The following USP37 variants were observed in gnomAD, a reference collection of about 807,000 sequenced individuals.
The protein encoded by USP37 is ubiquitin carboxyl-terminal hydrolase 37.
USP37 carries 27 observed loss-of-function variants against 124.0 expected under a neutral mutation model. The ratio of observed to expected loss-of-function variants is 0.22; its 90% CI spans 0.16 to 0.30. The LOEUF is 0.30. USP37 is among the 10% of genes least tolerant of loss of function. The pLI, the probability that USP37 is intolerant of heterozygous loss-of-function variation, is 1.00. For synonymous variants in USP37, 365 were observed against 388.0 expected (o/e 0.94, Z 0.70); for missense variants, 889 against 1,140.4 (o/e 0.78, Z 3.17).
At chr2:218,505,372 T>C (rs1376105433) in intron 11 of USP37, among the ~76,000 whole-genome samples, 2 of 152,200 alleles carry the variant, frequency 1.3e-5, no homozygotes, top group African/African-American at 4.8e-5. Flanking sequence ...TTGTTTGTCT[T>C]AGTTCTATAA....
chr2:218,487,688 G>C (rs1559178956), intron 15 of USP37, among the ~76,000 whole-genome samples: 1 of 151,926 alleles, frequency 6.6e-6, no homozygotes, highest in Non-Finnish European at 1.5e-5. Context: ...CAAAGTGCTG[G>C]GATTACAGGT....
At chr2:218,486,851 G>T (rs1172502714) in intron 15 of USP37, among the ~76,000 whole-genome samples, 1 of 151,672 alleles carries the variant, frequency 6.6e-6, no homozygotes, top group African/African-American at 2.4e-5. Flanking sequence ...TCAGCCTCCC[G>T]AGTAGCTGGG....
intron 24 of USP37, 69 bp downstream of exon 24, chr2:218,457,023 A>G: frequency 6.9e-7 from 1 of 1,449,250 alleles, no homozygotes; most frequent in African/African-American, 1.4e-5. Context: ...CTAGGCAAAG[A>G]GCAATATAAT....
In USP37 at chr2:218,476,871, C is replaced by T; in HGVS notation, c.2012G>A (p.Gly671Asp). 2 of 1,604,874 alleles carry T rather than the reference C, an allele frequency of 1.2e-6. No homozygotes were observed. The highest frequency in any genetic ancestry group is 1.7e-6 in the Non-Finnish European group (2 of 1,176,596). The change falls in exon 19 of 26, where the codon GGC (glycine) becomes GAC (aspartate). Residue 671 changes from glycine to aspartate, a missense_variant. Physicochemically the swap from Gly to Asp is moderately conservative, Grantham distance 94 (BLOSUM62 -1). This residue lies in a region of USP37 where 504 missense variants were observed against 714.3 expected (regional missense o/e 0.71). Transcript: ENST00000258399. ...CAGGTCTTCCTGCTGCTGTTCGTTG[C>T]CTAACATTTCACAAAGTCTCTGGCT... is the stretch of plus-strand genomic sequence containing the variant. ...ALSQRLCEML[G>D]NEQQQEDLEK... is the part of the protein sequence containing the mutation.
intron 10 of USP37, chr2:218,514,418 T>C (rs1483004155): frequency 6.6e-6 from 1 of 152,188 alleles, no homozygotes; most frequent in Non-Finnish European, 1.5e-5. Flanking sequence ...GTCAGGTATT[T>C]TACTTTATTT....
At chr2:218,567,023 A>G (rs956460495) in intron 1 of USP37, among the ~76,000 whole-genome samples, 7 of 152,150 alleles carry the variant, frequency 4.6e-5, no homozygotes, top group Non-Finnish European at 1.0e-4. Flanking sequence ...ACAGCTGGCT[A>G]TCTAGATGTG....
At chr2:218,509,945 TA>T in intron 11 of USP37, 33 bp downstream of exon 11, 1 of 1,500,694 alleles carries the variant, frequency 6.7e-7, no homozygotes, top group Non-Finnish European at 8.9e-7. Context: ...AATCACTTTA[TA>T]AAAAAGAAAG....
intron 10 of USP37, among the ~76,000 whole-genome samples, chr2:218,526,147 A>G (rs910633357): frequency 6.6e-6 from 1 of 152,212 alleles, no homozygotes; most frequent in African/African-American, 2.4e-5. Flanking sequence ...TGCAGTGAAC[A>G]TATACATGCA....
chr2:218,488,192 A>G (rs1404699240), intron 15 of USP37, 112 bp downstream of exon 15: 2 of 643,438 alleles, frequency 3.1e-6, no homozygotes, highest in Admixed American at 3.5e-5. Context: ...AAAAAAAAAA[A>G]AAAAAGAAAA....
chr2:218,488,047 T>C (rs1691674118), intron 15 of USP37, among the ~76,000 whole-genome samples: 3 of 150,840 alleles, frequency 2.0e-5, no homozygotes, highest in African/African-American at 4.9e-5. Context: ...TCACCAGACA[T>C]GGTGGCATGA....
Position 218,546,304 on chromosome 2 carries a change from G to A in USP37, c.603-6C>T, listed in dbSNP as rs1412374542. On this transcript the variant is annotated splice_polypyrimidine_tract_variant and splice_region_variant and intron_variant, in intron 7 of 25. Transcript: ENST00000258399. ...TTCTTTTCCTCTTTTCAGTACTACA[G>A]AGAACAAAGAAAAGGTTACTTTTAA... 3.7e-6 allele frequency: 6 copies of A among 1,601,732 alleles called. No homozygotes were observed. The Admixed American group carries it at 1.0e-4, about 28-fold the overall frequency.
At chr2:218,498,997 G>A (rs999479747) in intron 11 of USP37, among the ~76,000 whole-genome samples, 11 of 151,766 alleles carry the variant, frequency 7.2e-5, no homozygotes, top group African/African-American at 2.4e-4. Context: ...TTTTTATGCC[G>A]GGTGCAGTGG....
intron 15 of USP37, 113 bp downstream of exon 15, chr2:218,488,191 A>G (rs1377054679): frequency 3.1e-6 from 2 of 640,398 alleles, no homozygotes; most frequent in Non-Finnish European, 2.5e-6. Context: ...AAAAAAAAAA[A>G]AAAAAAGAAA....
intron 10 of USP37, among the ~76,000 whole-genome samples, chr2:218,519,652 T>TC (rs1050435551): frequency 2.6e-5 from 4 of 152,188 alleles, no homozygotes; most frequent in African/African-American, 9.6e-5. Context: ...GTTTTTTTTT[T>TC]CTGAGACACA....
chr2:218,557,018 A>T (rs546566623), intron 4 of USP37, among the ~76,000 whole-genome samples: 18 of 151,104 alleles, frequency 1.2e-4, no homozygotes, highest in Admixed American at 1.3e-4. Flanking sequence ...ACATACCAAC[A>T]TGCTTGGCTA....
rs1689570425 is a variant in USP37 at position 218,453,985 on chromosome 2, C to A, written c.*945G>T. On this transcript the variant is annotated 3_prime_UTR_variant, in exon 26 of 26. Coordinates refer to ENST00000258399, the MANE Select transcript of USP37 (RefSeq NM_020935.3). ...GCATTCTTCCTTATCCCTAAGTATT[C>A]CTGCTGGGGAGTCCCAATTGGAGAA... 1 of 152,190 alleles carries A rather than the reference C, an allele frequency of 6.6e-6. No homozygotes were observed. The highest frequency in any genetic ancestry group is 2.1e-4 in the South Asian group (1 of 4,832). 9.4% of individuals were successfully genotyped at this position (152,190 alleles called of 1,614,324 possible).
chr2:218,516,717 A>T (rs1034227484), intron 10 of USP37, among the ~76,000 whole-genome samples: 2 of 152,164 alleles, frequency 1.3e-5, no homozygotes, highest in African/African-American at 2.4e-5. Context: ...AAAATAAAAT[A>T]AAAAAATCAG....
intron 14 of USP37, among the ~76,000 whole-genome samples, chr2:218,495,222 G>T (rs1275484201): frequency 6.6e-6 from 1 of 152,080 alleles, no homozygotes; most frequent in Non-Finnish European, 1.5e-5. Flanking sequence ...GCTTACTGCA[G>T]CCTCAACTTG....
At position 218,558,537 on chromosome 2, in the gene USP37, T is replaced by C. The variant is rs1281111483; in HGVS notation, c.117A>G (p.Val39=). The change falls in exon 4 of 26, where the codon GTA becomes GTG. Residue 39 remains valine (V), a synonymous_variant. Coordinates refer to ENST00000258399, the MANE Select transcript of USP37 (RefSeq NM_020935.3). Reference sequence around the variant, plus strand: ...GAATTCCTCCAGTATTGTAGTGAACTACTAGGCTGACTTTATTCTCTTTTT... The same window carrying C: ...GAATTCCTCCAGTATTGTAGTGAACCACTAGGCTGACTTTATTCTCTTTTT... ...IVEKENKVSL[V]VHYNTGGIPR... The C allele has an allele frequency of 1.9e-6, 3 of 1,613,566 alleles. No homozygotes were observed. The highest frequency in any genetic ancestry group is 1.7e-6 in the Non-Finnish European group (2 of 1,179,814).
Sources: gnomAD v4.1 joint callset for allele counts (sites outside exome capture counted in the v4.1 genomes callset) on GRCh38, gnomAD v4.1.1 for gene constraint, gnomAD v4.1.1 regional missense constraint, MANE v1.5 for transcripts, NCBI Gene and HGNC (gene_info 2026-07-23, HGNC 2026-07-21) for gene names.